Variants in MAGI2 observed in about 807,000 individuals in gnomAD.
MAGI2 encodes the protein membrane associated guanylate kinase, WW and PDZ domain containing 2.
MAGI2 carries 35 observed loss-of-function variants against 133.3 expected under a neutral mutation model. The observed-to-expected ratio is 0.26, with a 90% CI of 0.20 to 0.35. The LOEUF (loss-of-function observed/expected upper bound fraction) is 0.35. Among genes scored for constraint, MAGI2 ranks in the 10% least tolerant of loss-of-function variants. The pLI is 1.00. For missense variants in MAGI2, 1,636 were observed against 1,863.4 expected (o/e 0.88, Z 2.25); for synonymous variants, 729 against 710.6 (o/e 1.03, Z -0.41).
intron 2 of MAGI2, among the ~76,000 whole-genome samples, chr7:78,882,068 T>TAACAACAAC (rs767269169): frequency 1.7e-4 from 5 of 29,752 alleles, no homozygotes; most frequent in Admixed American, 5.2e-4. Context: ...CTAGCTAGAT[T>TAACAACAAC]AACAACAACA....
intron 1 of MAGI2, among the ~76,000 whole-genome samples, chr7:79,049,473 A>G (rs1412315659): frequency 6.6e-6 from 1 of 152,172 alleles, no homozygotes; most frequent in East Asian, 1.9e-4. Flanking sequence ...ACAGGCTAGA[A>G]AAGGATGGAT....
rs1797840325 is a variant in MAGI2, at chr7:78,411,174, C to T, written c.1046-41961G>A. ...AAAGAAATGAGCCCTATGTAGCAGCCTCATTTTCAAAGCCAGTCAAGGGAG... is the reference window on the plus strand; with the variant it reads ...AAAGAAATGAGCCCTATGTAGCAGCTTCATTTTCAAAGCCAGTCAAGGGAG... On this transcript the variant is annotated intron_variant, in intron 6 of 21. Transcript: ENST00000354212. Among the ~76,000 whole-genome samples, 2 of 151,906 alleles carry T rather than the reference C, an allele frequency of 1.3e-5. 1 individual carries two copies. The highest frequency in any genetic ancestry group is 4.1e-4 in the South Asian group (2 of 4,820).
intron 20 of MAGI2, among the ~76,000 whole-genome samples, chr7:78,117,140 A>G (rs1246631329): frequency 2.0e-5 from 3 of 151,634 alleles, no homozygotes; most frequent in African/African-American, 7.3e-5. Context: ...CCAGACAACA[A>G]CTGTAAACAA....
chr7:78,908,385 T>G (rs1246793763), intron 2 of MAGI2, among the ~76,000 whole-genome samples: 1 of 152,208 alleles, frequency 6.6e-6, no homozygotes, highest in Non-Finnish European at 1.5e-5. Context: ...CAGTAATTCT[T>G]AAATACAGCT....
At chr7:79,363,639 G>A (rs1842504642) in intron 1 of MAGI2, among the ~76,000 whole-genome samples, 1 of 150,322 alleles carries the variant, frequency 6.7e-6, no homozygotes, top group Non-Finnish European at 1.5e-5. Context: ...CTTGACATAG[G>A]ACTAGTAATG....
intron 2 of MAGI2, among the ~76,000 whole-genome samples, chr7:78,874,200 T>G (rs754474614): frequency 6.6e-6 from 1 of 152,070 alleles, no homozygotes; most frequent in Non-Finnish European, 1.5e-5. Context: ...AGAAACAACT[T>G]GAGTAAATTA....
intron 1 of MAGI2, among the ~76,000 whole-genome samples, chr7:79,345,333 C>G (rs1841230808): frequency 6.6e-6 from 1 of 152,068 alleles, no homozygotes; most frequent in South Asian, 2.1e-4. Context: ...TGACAGCTAA[C>G]TAGCAGAAGA....
chr7:78,334,539 T>C (rs542583890), intron 9 of MAGI2, among the ~76,000 whole-genome samples: 1 of 152,274 alleles, frequency 6.6e-6, no homozygotes, highest in Admixed American at 6.5e-5. Flanking sequence ...TAGAAGCCCA[T>C]AGTCTCCACC....
intron 1 of MAGI2, among the ~76,000 whole-genome samples, chr7:79,367,324 T>C (rs1273618247): frequency 1.3e-5 from 2 of 152,226 alleles, no homozygotes; most frequent in Non-Finnish European, 2.9e-5. Context: ...CAGTGGAAAG[T>C]CCTATTCAGG....
chr7:78,421,971 C>T (rs1272567401), intron 6 of MAGI2, among the ~76,000 whole-genome samples: 1 of 152,066 alleles, frequency 6.6e-6, no homozygotes, highest in Admixed American at 6.6e-5. Context: ...TATATCAATA[C>T]AAAATACTGA....
intron 2 of MAGI2, among the ~76,000 whole-genome samples, chr7:78,800,002 G>A (rs1365956522): frequency 1.3e-5 from 2 of 152,068 alleles, no homozygotes; most frequent in Admixed American, 1.3e-4. Context: ...ACACAAAATG[G>A]ATATTTTAAC....
chr7:78,370,340 T>A (rs74537462), intron 6 of MAGI2, among the ~76,000 whole-genome samples: 8,179 of 152,116 alleles, frequency 0.054, 319 homozygotes, highest in South Asian at 0.094. Flanking sequence ...TGAATGTGTG[T>A]TACCGCACAA....
At chr7:79,137,890 T>A (rs1821742324) in intron 1 of MAGI2, among the ~76,000 whole-genome samples, 1 of 152,146 alleles carries the variant, frequency 6.6e-6, no homozygotes, top group African/African-American at 2.4e-5. Context: ...ATTGCAGTTA[T>A]TGTTAAATTG....
chr7:78,823,551 C>G (rs1790340791), intron 2 of MAGI2, among the ~76,000 whole-genome samples: 1 of 144,114 alleles, frequency 6.9e-6, no homozygotes, highest in Middle Eastern at 4.1e-3. Context: ...CCACTGCACT[C>G]CAGCCTGGGT....
chr7:78,381,315 C>G (rs996302198), intron 6 of MAGI2, among the ~76,000 whole-genome samples: 3 of 151,818 alleles, frequency 2.0e-5, no homozygotes, highest in South Asian at 2.1e-4. Flanking sequence ...CCACTGCACT[C>G]CAACCTGGGT....
At chr7:78,060,536 C>A (rs1478826791) in intron 21 of MAGI2, among the ~76,000 whole-genome samples, 1 of 152,212 alleles carries the variant, frequency 6.6e-6, no homozygotes, top group Non-Finnish European at 1.5e-5. Flanking sequence ...ACACTGATAA[C>A]TATGCTGCAA....
chr7:79,095,777 C>T (rs550314651), intron 1 of MAGI2, among the ~76,000 whole-genome samples: 61 of 152,026 alleles, frequency 4.0e-4, no homozygotes, highest in African/African-American at 1.3e-3. Flanking sequence ...TCATCATAAT[C>T]GATATGAAAA....
At chr7:79,295,547 G>A (rs987199323) in intron 1 of MAGI2, among the ~76,000 whole-genome samples, 1 of 151,702 alleles carries the variant, frequency 6.6e-6, no homozygotes, top group Non-Finnish European at 1.5e-5. Flanking sequence ...AGGCACGGTC[G>A]AGTCAAGGGA....
chr7:78,348,181 G>C (rs1173793822), intron 7 of MAGI2, among the ~76,000 whole-genome samples: 2 of 152,106 alleles, frequency 1.3e-5, no homozygotes, highest in South Asian at 4.1e-4. Flanking sequence ...ATCTTTCCAC[G>C]AGAGATTCAG....
Sources: allele counts gnomAD v4.1 joint callset (sites outside exome capture counted in the v4.1 genomes callset), GRCh38; gene constraint gnomAD v4.1.1; transcripts MANE v1.5; gene names NCBI Gene and HGNC (gene_info 2026-07-23, HGNC 2026-07-21).